The following PDZRN3 variants were observed in gnomAD, a reference collection of about 807,000 sequenced individuals.
PDZRN3 encodes E3 ubiquitin-protein ligase PDZRN3.
A neutral mutation model predicts 85.7 loss-of-function variants in PDZRN3; 38 were observed. The ratio of observed to expected loss-of-function variants is 0.44; its 90% CI spans 0.34 to 0.58. The LOEUF (loss-of-function observed/expected upper bound fraction) is 0.58. Ranked by LOEUF, PDZRN3 falls within the 20% of genes least tolerant of loss-of-function variation. PDZRN3 has a pLI of 0.01. For missense variants in PDZRN3, 1,629 were observed against 1,506.4 expected, an observed-to-expected ratio of 1.08 and a Z score of -1.35; for synonymous variants, 759 against 638.0, an observed-to-expected ratio of 1.19 and a Z score of -2.86.
chr3:73,415,714 A>G (rs1702067571), intron 3 of PDZRN3, among the ~76,000 whole-genome samples: 1 of 152,176 alleles, frequency 6.6e-6, no homozygotes. Context: ...GAACATATTT[A>G]AGGGAGGCTA....
intron 3 of PDZRN3, among the ~76,000 whole-genome samples, chr3:73,468,477 T>C (rs1159066708): frequency 1.3e-5 from 2 of 150,890 alleles, no homozygotes; most frequent in Non-Finnish European, 2.9e-5. Flanking sequence ...TTAAAGCACA[T>C]TTGGAAATTA....
intron 8 of PDZRN3, 57 bp from the exon 9 acceptor site, chr3:73,385,842 GT>G (rs923365114): frequency 1.9e-6 from 2 of 1,038,650 alleles, no homozygotes; most frequent in African/African-American, 1.6e-5. Context: ...GTTCATTTAT[GT>G]TTTTTTAAAA....
Position 73,489,575 on chromosome 3 carries a change from C to CTTTTTTTTTTTTTTTTTTTTTTTTT in PDZRN3, c.919-85181_919-85180insAAAAAAAAAAAAAAAAAAAAAAAAA, listed in dbSNP as rs371602592. ...GCCATGCATATGGGCAGTTTCTTTT[C>CTTTTTTTTTTTTTTTTTTTTTTTTT]TTTTTTTTTTTTTTTGAGATGGAGT... is the stretch of plus-strand genomic sequence containing the variant. On this transcript the variant is annotated intron_variant, in intron 3 of 9. Coordinates refer to ENST00000263666, the MANE Select transcript of PDZRN3 (RefSeq NM_015009.3). Among the ~76,000 whole-genome samples, 18 of 80,108 alleles carry CTTTTTTTTTTTTTTTTTTTTTTTTT rather than the reference C, an allele frequency of 2.2e-4. 4 individuals are homozygous for CTTTTTTTTTTTTTTTTTTTTTTTTT. Among genetic ancestry groups the CTTTTTTTTTTTTTTTTTTTTTTTTT allele is most frequent in the South Asian group, 4.7e-4 (1 of 2,144 alleles). The allele number at this position is 80,108 out of a possible 152,430, so 52.6% of individuals were successfully genotyped here. A position where few individuals can be genotyped will look rare whatever the true frequency, so the allele number is the denominator to read the frequency against.
intron 3 of PDZRN3, among the ~76,000 whole-genome samples, chr3:73,527,456 A>G (rs779934682): frequency 3.3e-5 from 5 of 152,302 alleles, no homozygotes; most frequent in Admixed American, 6.5e-5. Flanking sequence ...TGTGCAGTAG[A>G]TATTAGGTTA....
chr3:73,579,666 G>A (rs986663845), intron 3 of PDZRN3, among the ~76,000 whole-genome samples: 3 of 152,162 alleles, frequency 2.0e-5, no homozygotes, highest in Non-Finnish European at 4.4e-5. Context: ...CACACTGCAA[G>A]TTGCCCCTGT....
chr3:73,549,082 A>G (rs548359073), intron 3 of PDZRN3, among the ~76,000 whole-genome samples: 1 of 152,350 alleles, frequency 6.6e-6, no homozygotes, highest in Admixed American at 6.5e-5. Flanking sequence ...GAACACAACT[A>G]CAATCACTTT....
At chr3:73,622,365 GA>G in intron 1 of PDZRN3, among the ~76,000 whole-genome samples, 1 of 152,228 alleles carries the variant, frequency 6.6e-6, no homozygotes, top group African/African-American at 2.4e-5. Context: ...AGGCAAAGCA[GA>G]CACAGGCCCT....
chr3:73,510,037 T>C (rs368423193), intron 3 of PDZRN3, among the ~76,000 whole-genome samples: 3 of 152,166 alleles, frequency 2.0e-5, no homozygotes, highest in South Asian at 4.2e-4. Flanking sequence ...ACACTGGAGG[T>C]TGGGGGTGGA....
intron 3 of PDZRN3, among the ~76,000 whole-genome samples, chr3:73,517,177 C>A (rs541332394): frequency 6.6e-6 from 1 of 152,330 alleles, no homozygotes; most frequent in South Asian, 2.1e-4. Flanking sequence ...GAAAGATCCA[C>A]ATTTAAATTC....
rs750636934 is a variant in PDZRN3 at position 73,404,112 on chromosome 3, C to T, written c.1166+36G>A. The T allele has an allele frequency of 6.6e-5, 105 of 1,585,218 alleles. No individual in the cohort carries two copies. The South Asian group carries it at 1.2e-3, about 18-fold the overall frequency. ...GAAAGAAACCAACTTGGAAATACTTCTTAATGCATTAGGGGTTCAAGATTA... is the reference window on the plus strand; with the variant it reads ...GAAAGAAACCAACTTGGAAATACTTTTTAATGCATTAGGGGTTCAAGATTA... On this transcript the variant is annotated intron_variant, in intron 4 of 9. Transcript: ENST00000263666.
intron 3 of PDZRN3, among the ~76,000 whole-genome samples, chr3:73,574,367 C>A (rs1702087219): frequency 6.7e-6 from 1 of 149,076 alleles, no homozygotes; most frequent in South Asian, 2.1e-4. Flanking sequence ...GCTGAGAAAT[C>A]CTTCTTAGCC....
chr3:73,499,354 C>T (rs774803866), intron 3 of PDZRN3, among the ~76,000 whole-genome samples: 16 of 152,146 alleles, frequency 1.1e-4, no homozygotes, highest in African/African-American at 2.7e-4. Flanking sequence ...CCCCAGGTGA[C>T]GCTGGTAACT....
intron 3 of PDZRN3, among the ~76,000 whole-genome samples, chr3:73,598,399 A>G (rs759752117): frequency 5.3e-5 from 8 of 152,242 alleles, no homozygotes; most frequent in Non-Finnish European, 1.0e-4. Flanking sequence ...TCTAACTGCA[A>G]TAAGTATATG....
intron 3 of PDZRN3, among the ~76,000 whole-genome samples, chr3:73,584,049 T>C (rs913623266): frequency 4.6e-5 from 7 of 150,996 alleles, no homozygotes; most frequent in Non-Finnish European, 8.8e-5. Context: ...CTTTGTGCTT[T>C]CCCTTCCAAT....
intron 3 of PDZRN3, among the ~76,000 whole-genome samples, chr3:73,462,033 T>C (rs1417873534): frequency 6.6e-6 from 1 of 152,166 alleles, no homozygotes; most frequent in Non-Finnish European, 1.5e-5. Flanking sequence ...TCATCTCTCA[T>C]GTTTCACATT....
At chr3:73,566,384 G>A (rs140324260) in intron 3 of PDZRN3, among the ~76,000 whole-genome samples, 46 of 152,260 alleles carry the variant, frequency 3.0e-4, no homozygotes, top group African/African-American at 1.0e-3. Flanking sequence ...AAATACTGAA[G>A]GAAAGTCTTT....
Position 73,624,194 on chromosome 3 carries a change from A to G in PDZRN3, c.632T>C (p.Met211Thr). The change falls in exon 1 of 10, where the codon ATG becomes ACG. Residue 211 changes from methionine (M) to threonine (T), a missense_variant. Transcript: ENST00000263666. ...TTTCTTCTGGTAGCGCAGCGCGGTC[A>G]TCTGCAGCTCAAGCTGCGCCGCGGC... ...QLAAAQLELQ[M>T]TALRYQKKFT... 6.7e-7 allele frequency: 1 copy of G among 1,499,800 alleles called. No homozygotes were observed. The highest frequency in any genetic ancestry group is 8.8e-7 in the Non-Finnish European group (1 of 1,130,082). The allele number at this position is 1,499,800 out of a possible 1,614,324, so 92.9% of individuals were successfully genotyped here. A position where few individuals can be genotyped will look rare whatever the true frequency, so the allele number is the denominator to read the frequency against.
At chr3:73,569,297 G>T (rs1702007135) in intron 3 of PDZRN3, 1 of 1,242,920 alleles carries the variant, frequency 8.0e-7, no homozygotes, top group Non-Finnish European at 1.0e-6. Context: ...GAGATACTGA[G>T]ATTCTCTCAA....
At chr3:73,463,240 C>G (rs879760339) in intron 3 of PDZRN3, among the ~76,000 whole-genome samples, 1 of 152,272 alleles carries the variant, frequency 6.6e-6, no homozygotes, top group Middle Eastern at 3.4e-3. Flanking sequence ...GAAAGGATTA[C>G]CCAAAGCATG....
Sources: gnomAD v4.1 joint callset for allele counts (sites outside exome capture counted in the v4.1 genomes callset) on GRCh38, gnomAD v4.1.1 for gene constraint, MANE v1.5 for transcripts, NCBI Gene and HGNC (gene_info 2026-07-23, HGNC 2026-07-21) for gene names.